JPH1: variants seen among roughly 807,000 people sequenced by gnomAD.
JPH1 encodes junctophilin-1.
A neutral mutation model predicts 53.6 loss-of-function variants in JPH1; 12 were observed. The ratio of observed to expected loss-of-function variants is 0.22; its 90% CI spans 0.14 to 0.36. The LOEUF (loss-of-function observed/expected upper bound fraction) is 0.36, where lower values mean the gene tolerates loss of function less well. JPH1 is among the 10% of genes least tolerant of loss of function. The pLI, the probability that JPH1 is intolerant of heterozygous loss-of-function variation, is 1.00. For synonymous variants in JPH1, 375 were observed against 363.8 expected, an observed-to-expected ratio of 1.03 and a Z score of -0.35; for missense variants, 808 against 905.5, an observed-to-expected ratio of 0.89 and a Z score of 1.38.
At chr8:74,269,173 G>A (rs1196051576) in intron 2 of JPH1, among the ~76,000 whole-genome samples, 1 of 152,184 alleles carries the variant, frequency 6.6e-6, no homozygotes, top group African/African-American at 2.4e-5. Flanking sequence ...TGCCCAACTA[G>A]CGAAGAACAA....
intron 2 of JPH1, among the ~76,000 whole-genome samples, chr8:74,266,248 G>C (rs1475161467): frequency 6.6e-6 from 1 of 151,844 alleles, no homozygotes; most frequent in Non-Finnish European, 1.5e-5. Flanking sequence ...TAAACAAAAT[G>C]TGTTCTATGC....
At chr8:74,295,608 G>A (rs1317150765) in intron 2 of JPH1, among the ~76,000 whole-genome samples, 1 of 152,044 alleles carries the variant, frequency 6.6e-6, no homozygotes, top group Non-Finnish European at 1.5e-5. Context: ...GAAATCTAAG[G>A]CTTAACAGAT....
chr8:74,255,210 G>T (rs1260054553), intron 3 of JPH1, among the ~76,000 whole-genome samples: 1 of 152,028 alleles, frequency 6.6e-6, no homozygotes, highest in Non-Finnish European at 1.5e-5. Flanking sequence ...TAGACCAATG[G>T]AACAGAACAG....
intron 2 of JPH1, 139 bp from the exon 3 acceptor site, chr8:74,259,642 C>A: frequency 1.7e-6 from 1 of 590,134 alleles, no homozygotes; most frequent in Non-Finnish European, 3.0e-6. Flanking sequence ...TTTTAGAGTC[C>A]TATTGCCGTG....
In JPH1 at chr8:74,244,512, C is replaced by T. The variant is rs370920911; in HGVS notation, c.1905+17G>A. ...AAAGGGAAGAAAGAAAGAGAAAACG[C>T]TACTTGCAGTACTTACTGAATTGGC... On this transcript the variant is annotated intron_variant, in intron 4 of 5. Coordinates refer to ENST00000342232, the MANE Select transcript of JPH1 (RefSeq NM_020647.4). The T allele has an allele frequency of 3.1e-5, 48 of 1,568,640 alleles. No homozygotes were observed. The highest frequency in any genetic ancestry group is 1.7e-4 in the Middle Eastern group (1 of 5,788).
chr8:74,288,326 T>C (rs1807228957), intron 2 of JPH1, among the ~76,000 whole-genome samples: 1 of 152,216 alleles, frequency 6.6e-6, no homozygotes, highest in Non-Finnish European at 1.5e-5. Flanking sequence ...CAATTGGCTG[T>C]GTACTTATTT....
intron 2 of JPH1, among the ~76,000 whole-genome samples, chr8:74,275,839 G>A (rs1396215301): frequency 1.3e-5 from 2 of 152,156 alleles, no homozygotes; most frequent in Non-Finnish European, 2.9e-5. Context: ...CTCTGAGAAT[G>A]GGGAGAAAGG....
chr8:74,292,332 C>T (rs1354234306), intron 2 of JPH1, among the ~76,000 whole-genome samples: 1 of 152,140 alleles, frequency 6.6e-6, no homozygotes, highest in African/African-American at 2.4e-5. Flanking sequence ...CACTTGGAAC[C>T]CCCTGAATAC....
At chr8:74,237,343 T>C (rs1274125160) in intron 4 of JPH1, 40 bp from the exon 5 acceptor site, 1 of 1,472,758 alleles carries the variant, frequency 6.8e-7, no homozygotes, top group South Asian at 1.2e-5. Flanking sequence ...AACTTCTCCA[T>C]GTTAATATCA....
At chr8:74,256,242 G>A (rs1806224702) in intron 3 of JPH1, among the ~76,000 whole-genome samples, 1 of 152,098 alleles carries the variant, frequency 6.6e-6, no homozygotes, top group African/African-American at 2.4e-5. Context: ...GTCCTTTGTA[G>A]GGACATGGAT....
chr8:74,240,046 A>G (rs1805648394), intron 4 of JPH1, among the ~76,000 whole-genome samples: 1 of 152,096 alleles, frequency 6.6e-6, no homozygotes, highest in Admixed American at 6.5e-5. Flanking sequence ...ATCTTGGCTC[A>G]CCGTAACCTC....
At chr8:74,279,617 G>A (rs544104742) in intron 2 of JPH1, among the ~76,000 whole-genome samples, 28 of 152,208 alleles carry the variant, frequency 1.8e-4, no homozygotes, top group African/African-American at 3.4e-4. Flanking sequence ...TGATATATTC[G>A]TTTCCTCATT....
At chr8:74,294,700 T>C (rs541512229) in intron 2 of JPH1, among the ~76,000 whole-genome samples, 141 of 152,340 alleles carry the variant, frequency 9.3e-4, no homozygotes, top group Non-Finnish European at 1.4e-3. Context: ...TCATTTTGGT[T>C]TCTCCCAAGG....
chr8:74,304,561 C>G (rs191885155), intron 2 of JPH1, among the ~76,000 whole-genome samples: 1 of 152,230 alleles, frequency 6.6e-6, no homozygotes, highest in African/African-American at 2.4e-5. Flanking sequence ...AACATGTTCC[C>G]TACATGTATC....
chr8:74,291,164 C>G (rs1465674195), intron 2 of JPH1, among the ~76,000 whole-genome samples: 2 of 151,780 alleles, frequency 1.3e-5, no homozygotes, highest in African/African-American at 4.8e-5. Context: ...TTCTGCACAG[C>G]AAAAGAAACT....
At chr8:74,314,035 C>T (rs1030895697) in intron 2 of JPH1, among the ~76,000 whole-genome samples, 1 of 152,128 alleles carries the variant, frequency 6.6e-6, no homozygotes, top group Admixed American at 6.5e-5. Context: ...CACATACACC[C>T]CACTTGTCAA....
At chr8:74,313,340 A>G (rs1808049453) in intron 2 of JPH1, among the ~76,000 whole-genome samples, 1 of 152,218 alleles carries the variant, frequency 6.6e-6, no homozygotes, top group Admixed American at 6.5e-5. Flanking sequence ...GATCTGAAGT[A>G]AAAGATGCCT....
At chr8:74,238,562 C>T (rs1212530845) in intron 4 of JPH1, among the ~76,000 whole-genome samples, 2 of 152,212 alleles carry the variant, frequency 1.3e-5, no homozygotes, top group Non-Finnish European at 2.9e-5. Context: ...CTGCTATGTA[C>T]CCAGTGCACA....
intron 2 of JPH1, among the ~76,000 whole-genome samples, chr8:74,292,781 A>G (rs570988047): frequency 1.3e-5 from 2 of 152,186 alleles, no homozygotes; most frequent in African/African-American, 2.4e-5. Context: ...AGCAACACAG[A>G]AATGTAGATG....
Sources: gnomAD v4.1 joint callset for allele counts (sites outside exome capture counted in the v4.1 genomes callset) on GRCh38, gnomAD v4.1.1 for gene constraint, MANE v1.5 for transcripts, NCBI Gene and HGNC (gene_info 2026-07-23, HGNC 2026-07-21) for gene names.